The following STARD7 variants were observed in gnomAD, a reference collection of about 807,000 sequenced individuals.
STARD7 encodes the protein StAR related lipid transfer domain containing 7.
Under a neutral mutation model 45.3 loss-of-function variants are expected in STARD7, and 30 were observed. The observed-to-expected ratio is 0.66, with a 90% confidence interval of 0.50 to 0.90. The LOEUF (loss-of-function observed/expected upper bound fraction) is 0.90, where lower values mean the gene tolerates loss of function less well. STARD7 is among the 40% of genes least tolerant of loss of function. The probability of loss-of-function intolerance (pLI) is 0.00; values close to 1 mark genes in which losing one functional copy is unlikely to be tolerated. For missense variants in STARD7, 495 were observed against 491.3 expected, an observed-to-expected ratio of 1.01 and a Z score of -0.07; for synonymous variants, 199 against 183.0, an observed-to-expected ratio of 1.09 and a Z score of -0.70.
intron 1 of STARD7, among the ~76,000 whole-genome samples, chr2:96,204,297 G>A (rs1284969594): frequency 1.3e-5 from 2 of 151,230 alleles, no homozygotes; most frequent in Admixed American, 6.6e-5. Context: ...TCTCATGCCT[G>A]TAATCCCAAC....
At chr2:96,206,176 T>G (rs1683385697) in intron 1 of STARD7, among the ~76,000 whole-genome samples, 1 of 152,224 alleles carries the variant, frequency 6.6e-6, no homozygotes, top group Admixed American at 6.5e-5. Context: ...AAATGCTTAC[T>G]ATGTTCATTT....
chr2:96,206,341 C>T (rs1683388824), intron 1 of STARD7, among the ~76,000 whole-genome samples: 1 of 152,154 alleles, frequency 6.6e-6, no homozygotes, highest in Admixed American at 6.5e-5. Flanking sequence ...CTCCCACCCC[C>T]AAACTCTCCT....
intron 5 of STARD7, 103 bp from the exon 6 acceptor site, chr2:96,192,571 T>C: frequency 3.6e-6 from 3 of 832,242 alleles, no homozygotes; most frequent in Non-Finnish European, 6.1e-6. Flanking sequence ...CTCTGATATT[T>C]TTAAATACAC....
At chr2:96,199,649 T>A (rs1189932455) in intron 1 of STARD7, among the ~76,000 whole-genome samples, 1 of 152,230 alleles carries the variant, frequency 6.6e-6, no homozygotes, top group African/African-American at 2.4e-5. Flanking sequence ...TGACTTTCAT[T>A]TCCTTATGTT....
At chr2:96,197,441 G>A (rs1434695005) in intron 1 of STARD7, among the ~76,000 whole-genome samples, 2 of 152,134 alleles carry the variant, frequency 1.3e-5, no homozygotes, top group African/African-American at 4.8e-5. Context: ...TAAAGTGTTT[G>A]TTATCTGGCA....
chr2:96,206,566 C>T (rs916173560), intron 1 of STARD7, among the ~76,000 whole-genome samples: 6 of 151,486 alleles, frequency 4.0e-5, no homozygotes, highest in Admixed American at 3.3e-4. Context: ...TTTGGGAGGC[C>T]GAGGCGGGCG....
chr2:96,196,765 T>C (rs1233375669), intron 1 of STARD7, among the ~76,000 whole-genome samples: 1 of 151,862 alleles, frequency 6.6e-6, no homozygotes, highest in Non-Finnish European at 1.5e-5. Context: ...CCAGCTACAC[T>C]GTCTCTTAAA....
chr2:96,200,397 A>C (rs1042828031), intron 1 of STARD7, among the ~76,000 whole-genome samples: 2 of 152,216 alleles, frequency 1.3e-5, no homozygotes, highest in Middle Eastern at 3.4e-3. Flanking sequence ...AACATGAAAA[A>C]CACCACCATA....
intron 1 of STARD7, among the ~76,000 whole-genome samples, chr2:96,207,864 T>C (rs779936046): frequency 6.6e-5 from 10 of 152,232 alleles, no homozygotes; most frequent in Admixed American, 1.3e-4. Flanking sequence ...CGCTATCTAA[T>C]TGATTTCTAC....
rs1188275748 is a variant in STARD7, at chr2:96,193,607, A to G, written c.550-255T>C. ...AGACAAACCAAGGAAAAGTGTAACA[A>G]AATATTTTAATAGACACATCTGGGG... On this transcript the variant is annotated intron_variant, in intron 3 of 7. Coordinates refer to ENST00000337288, the MANE Select transcript of STARD7 (RefSeq NM_020151.4). Among the ~76,000 whole-genome samples, 3 of 152,256 alleles carry G rather than the reference A, an allele frequency of 2.0e-5. No individual in the cohort carries two copies. The East Asian group carries it at 5.8e-4, about 29-fold the overall frequency.
At chr2:96,188,824 G>A (rs1011609720) in intron 6 of STARD7, among the ~76,000 whole-genome samples, 1 of 151,930 alleles carries the variant, frequency 6.6e-6, no homozygotes, top group Admixed American at 6.6e-5. Context: ...AACCCGGGAG[G>A]CGGAGGTTGC....
chr2:96,208,338 G>C lies in STARD7; in HGVS notation c.97C>G (p.Leu33Val). ...LANQCRFVTG[L>V]RVRRAQQIAQ... ...ATCTGCTGCGCGCGCCGCACGCGCA[G>C]GCCCGTGACGAAGCGGCACTGATTG... Residue 33 changes from leucine (L) to valine (V), a missense_variant, in exon 1 of 8, where the codon CTG becomes GTG. Physicochemically the swap from Leu to Val is conservative, Grantham distance 32. Transcript: ENST00000337288. 6.2e-7 allele frequency: 1 copy of C among 1,600,484 alleles called. No individual in the cohort carries two copies.
At chr2:96,207,805 T>C (rs1379608114) in intron 1 of STARD7, among the ~76,000 whole-genome samples, 1 of 152,218 alleles carries the variant, frequency 6.6e-6, no homozygotes, top group Non-Finnish European at 1.5e-5. Context: ...TGCACCTTTC[T>C]GGTTGTGTTA....
rs1239091379 is a variant in STARD7, at chr2:96,188,952, T to C, written c.844-1651A>G. On this transcript the variant is annotated intron_variant, in intron 6 of 7. Transcript: ENST00000337288. ...AACAAAAAAAACACTTTGGGTGTTT[T>C]TTTTTTCTTTTTTTTGAGACAAGGT... Among the ~76,000 whole-genome samples, 3 of 151,804 alleles carry C rather than the reference T, an allele frequency of 2.0e-5. No homozygotes were observed. In the East Asian group the frequency reaches 5.8e-4, roughly 29 times the overall value.
Position 96,185,307 on chromosome 2 carries a change from G to A in STARD7, c.*1423C>T, listed in dbSNP as rs1485504450. ...ACAAAAATGAACAGGCAACAAGAAG[G>A]TCAAGGAAGTGTTTAAGTTAGTCTC... On this transcript the variant is annotated 3_prime_UTR_variant, in exon 8 of 8. Coordinates refer to ENST00000337288, the MANE Select transcript of STARD7 (RefSeq NM_020151.4). 3 of 152,458 alleles carry A rather than the reference G, an allele frequency of 2.0e-5. No individual in the cohort carries two copies. The highest frequency in any genetic ancestry group is 7.2e-5 in the African/African-American group (3 of 41,416). The allele number at this position is 152,458 out of a possible 1,614,324, so 9.4% of individuals were successfully genotyped here.
intron 6 of STARD7, among the ~76,000 whole-genome samples, chr2:96,189,409 A>T (rs567757317): frequency 1.3e-5 from 2 of 152,248 alleles, no homozygotes; most frequent in South Asian, 4.1e-4. Context: ...ACACTGTCAT[A>T]AATCTTAGCT....
At chr2:96,190,335 CTTTT>C (rs1253428303) in intron 6 of STARD7, among the ~76,000 whole-genome samples, 53 of 131,690 alleles carry the variant, frequency 4.0e-4, no homozygotes, top group African/African-American at 1.4e-3. Flanking sequence ...AAGTCTGTGT[CTTTT>C]TTTTTTTTTT....
At chr2:96,188,455 A>C (rs1367716555) in intron 6 of STARD7, among the ~76,000 whole-genome samples, 2 of 150,532 alleles carry the variant, frequency 1.3e-5, no homozygotes, top group Non-Finnish European at 3.0e-5. Context: ...TTGTATTTTC[A>C]GTAGAAACGG....
At chr2:96,206,308 A>ACG (rs1683388191) in intron 1 of STARD7, among the ~76,000 whole-genome samples, 1 of 152,038 alleles carries the variant, frequency 6.6e-6, no homozygotes, top group Non-Finnish European at 1.5e-5. Flanking sequence ...GTCATCTACT[A>ACG]CGTAAGCCCC....
Sources: allele counts gnomAD v4.1 joint callset (sites outside exome capture counted in the v4.1 genomes callset), GRCh38; gene constraint gnomAD v4.1.1; transcripts MANE v1.5; gene names NCBI Gene and HGNC (gene_info 2026-07-23, HGNC 2026-07-21).